Variants in PPP2R2C observed in about 807,000 individuals in gnomAD.
The protein encoded by PPP2R2C is protein phosphatase 2 regulatory subunit Bgamma, also known as protein phosphatase 2, regulatory subunit B, gamma.
Under a neutral mutation model 45.3 loss-of-function variants are expected in PPP2R2C, and 10 were observed. The observed-to-expected ratio is 0.22, with a 90% CI of 0.14 to 0.37. The LOEUF (loss-of-function observed/expected upper bound fraction) is 0.37, where lower values mean the gene tolerates loss of function less well. Among genes scored for constraint, PPP2R2C ranks in the 10% least tolerant of loss-of-function variants. The probability of loss-of-function intolerance (pLI) is 1.00; values close to 1 mark genes in which losing one functional copy is unlikely to be tolerated. For synonymous variants in PPP2R2C, 257 were observed against 245.4 expected (o/e 1.05, Z -0.44); for missense variants, 308 against 619.7 (o/e 0.50, Z 5.34).
At chr4:6,327,487 G>A (rs935056002) in intron 8 of PPP2R2C, among the ~76,000 whole-genome samples, 2 of 152,232 alleles carry the variant, frequency 1.3e-5, no homozygotes, top group Non-Finnish European at 1.5e-5. Context: ...AGGACGGGCA[G>A]TGGGTCGCAG....
intron 6 of PPP2R2C, among the ~76,000 whole-genome samples, chr4:6,346,859 G>C (rs1217371505): frequency 6.6e-6 from 1 of 152,222 alleles, no homozygotes; most frequent in Non-Finnish European, 1.5e-5. Context: ...GGGTCCTCTG[G>C]GGTTTATTCA....
chr4:6,365,080 C>A (rs2109275681), intron 5 of PPP2R2C, among the ~76,000 whole-genome samples: 1 of 152,310 alleles, frequency 6.6e-6, no homozygotes, highest in Middle Eastern at 3.4e-3. Flanking sequence ...GGATCATCAC[C>A]TCTTTTGGGC....
At chr4:6,361,769 TGC>T (rs1713757125) in intron 5 of PPP2R2C, among the ~76,000 whole-genome samples, 2 of 151,998 alleles carry the variant, frequency 1.3e-5, no homozygotes, top group Non-Finnish European at 2.9e-5. Flanking sequence ...AGCTGGGATG[TGC>T]ACCCAGGCAG....
chr4:6,539,000 C>T (rs1196117882), intron 1 of PPP2R2C, among the ~76,000 whole-genome samples: 1 of 152,194 alleles, frequency 6.6e-6, no homozygotes, highest in Admixed American at 6.5e-5. Flanking sequence ...TTGCTTCCCC[C>T]TAAAATCTGC....
At chr4:6,383,980 G>T (rs1017339281) in intron 1 of PPP2R2C, 6 of 986,018 alleles carry the variant, frequency 6.1e-6, no homozygotes, top group African/African-American at 1.7e-5. Flanking sequence ...CGGGCTGGAC[G>T]TATCCATCCA....
chr4:6,484,513 T>TA (rs569436768), intron 2 of PPP2R2C, among the ~76,000 whole-genome samples: 21,926 of 146,158 alleles, frequency 0.15, 1,822 homozygotes, highest in African/African-American at 0.23. Context: ...TTCAGTTTCT[T>TA]AAAAAAAAAA....
rs146343505 is a variant in PPP2R2C, at chr4:6,436,769, G to A, written c.70+35391C>T. 9.2e-4 allele frequency among the ~76,000 whole-genome samples: 140 copies of A among 152,294 alleles called. 5 individuals carry two copies. In the East Asian group the frequency reaches 0.022, roughly 24 times the overall value. On this transcript the variant is annotated intron_variant, in intron 1 of 8. Transcript: ENST00000382599. ...CTGTTGTAGTGTGAAAGTAGCCACAGGCAATACCTAAACACATAGGTGTGA... is the reference window on the plus strand; with the variant it reads ...CTGTTGTAGTGTGAAAGTAGCCACAAGCAATACCTAAACACATAGGTGTGA...
chr4:6,476,274 T>G (rs1013226999), upstream of PPP2R2C, among the ~76,000 whole-genome samples: 10 of 152,224 alleles, frequency 6.6e-5, no homozygotes, highest in Middle Eastern at 3.4e-3. Context: ...CTCACTCCCC[T>G]CTCTCTCCAC....
chr4:6,432,694 A>G (rs1034232308), intron 1 of PPP2R2C, among the ~76,000 whole-genome samples: 6 of 152,368 alleles, frequency 3.9e-5, no homozygotes, highest in South Asian at 4.1e-4. Flanking sequence ...TTCACACTAC[A>G]GGGATAGAGA....
chr4:6,450,635 G>A (rs796769556), intron 1 of PPP2R2C, among the ~76,000 whole-genome samples: 84 of 152,292 alleles, frequency 5.5e-4, no homozygotes, highest in African/African-American at 2.0e-3. Context: ...CAGCTGCCTG[G>A]AGCCCCAGAG....
chr4:6,489,741 C>T (rs1722636836), intron 2 of PPP2R2C, among the ~76,000 whole-genome samples: 1 of 152,206 alleles, frequency 6.6e-6, no homozygotes, highest in Admixed American at 6.5e-5. Flanking sequence ...CAGTCCACTA[C>T]TCAACAAGTG....
intron 1 of PPP2R2C, among the ~76,000 whole-genome samples, chr4:6,454,647 C>T (rs1720918961): frequency 6.6e-6 from 1 of 152,214 alleles, no homozygotes; most frequent in Non-Finnish European, 1.5e-5. Flanking sequence ...ATTCCTGACT[C>T]ACAGAATCCA....
chr4:6,509,167 C>T (rs1349041786), intron 2 of PPP2R2C, among the ~76,000 whole-genome samples: 3 of 152,198 alleles, frequency 2.0e-5, no homozygotes, highest in African/African-American at 4.8e-5. Context: ...GCTTGAACTT[C>T]TCAGACAGCA....
chr4:6,346,737 G>A (rs1344713676), intron 6 of PPP2R2C, among the ~76,000 whole-genome samples: 2 of 152,152 alleles, frequency 1.3e-5, no homozygotes, highest in African/African-American at 4.8e-5. Flanking sequence ...GAGTCCTGGG[G>A]CTGGTGTGCA....
At chr4:6,357,803 T>G (rs1713345706) in intron 5 of PPP2R2C, among the ~76,000 whole-genome samples, 1 of 151,922 alleles carries the variant, frequency 6.6e-6, no homozygotes, top group Admixed American at 6.6e-5. Flanking sequence ...CCTGGGGGAG[T>G]CAGCAAAGCG....
At chr4:6,460,140 G>A (rs1721251594) in intron 1 of PPP2R2C, among the ~76,000 whole-genome samples, 1 of 152,168 alleles carries the variant, frequency 6.6e-6, no homozygotes, top group Admixed American at 6.6e-5. Context: ...GGTGCTTTGG[G>A]CTGAAATGTG....
intron 5 of PPP2R2C, among the ~76,000 whole-genome samples, chr4:6,369,484 G>T (rs761454132): frequency 7.2e-5 from 11 of 152,218 alleles, no homozygotes; most frequent in Non-Finnish European, 1.0e-4. Context: ...TTGACTTAAA[G>T]AAAACAATTT....
chr4:6,368,093 T>C lies in PPP2R2C; in HGVS notation c.625+4430A>G, dbSNP rs1714489351. ...TGTGCGGCCAGGGATGTTCCCAGGATCCACAGGGGCCCCCGATCTGCTGAC... is the reference window on the plus strand; with the variant it reads ...TGTGCGGCCAGGGATGTTCCCAGGACCCACAGGGGCCCCCGATCTGCTGAC... On this transcript the variant is annotated intron_variant, in intron 5 of 8. Coordinates refer to ENST00000382599, the MANE Select transcript of PPP2R2C (RefSeq NM_020416.4). The surrounding 1 kb of genome is among the most constrained non-coding windows in gnomAD (Gnocchi z 4.2). 6.6e-6 allele frequency among the ~76,000 whole-genome samples: 1 copy of C among 152,306 alleles called. No individual in the cohort carries two copies. The highest frequency in any genetic ancestry group is 1.5e-5 in the Non-Finnish European group (1 of 68,030).
At chr4:6,527,319 C>A (rs1481214242) in intron 2 of PPP2R2C, among the ~76,000 whole-genome samples, 1 of 152,188 alleles carries the variant, frequency 6.6e-6, no homozygotes, top group Non-Finnish European at 1.5e-5. Flanking sequence ...CAGTCCTTGC[C>A]CATTTCTGGC....
Sources: allele counts gnomAD v4.1 joint callset (sites outside exome capture counted in the v4.1 genomes callset), GRCh38; gene constraint gnomAD v4.1.1; non-coding constraint Gnocchi (gnomAD v3.1); transcripts MANE v1.5; gene names NCBI Gene and HGNC (gene_info 2026-07-23, HGNC 2026-07-21).